KMT2C: variants seen among roughly 807,000 people sequenced by gnomAD.
KMT2C encodes histone-lysine N-methyltransferase 2C.
KMT2C carries 88 observed loss-of-function variants against 507.9 expected under a neutral mutation model. The observed-to-expected ratio is 0.17, with a 90% CI of 0.15 to 0.21. The LOEUF (loss-of-function observed/expected upper bound fraction) is 0.21. KMT2C is among the 10% of genes least tolerant of loss of function. The probability of loss-of-function intolerance (pLI) is 1.00; values close to 1 mark genes in which losing one functional copy is unlikely to be tolerated. For missense variants in KMT2C, 4,954 were observed against 5,957.8 expected (o/e 0.83, Z 5.55); for synonymous variants, 2,049 against 2,080.8 (o/e 0.98, Z 0.42).
At chr7:152,345,131 A>G (rs1362811311) in intron 2 of KMT2C, among the ~76,000 whole-genome samples, 1 of 151,936 alleles carries the variant, frequency 6.6e-6, no homozygotes, top group African/African-American at 2.4e-5. Flanking sequence ...ATCAACAATC[A>G]CTCTAAAGCT....
intron 1 of KMT2C, among the ~76,000 whole-genome samples, chr7:152,359,430 C>T (rs968870087): frequency 2.0e-5 from 3 of 152,044 alleles, no homozygotes; most frequent in African/African-American, 7.2e-5. Context: ...AAGCAGTACT[C>T]AGATAATGTC....
chr7:152,307,932 G>T (rs2096635583), intron 6 of KMT2C, among the ~76,000 whole-genome samples: 1 of 152,074 alleles, frequency 6.6e-6, no homozygotes, highest in South Asian at 2.1e-4. Context: ...TACCTTCCCT[G>T]TAATACTTTT....
chr7:152,181,867 G>A lies in KMT2C; in HGVS notation c.5993C>T (p.Pro1998Leu), dbSNP rs1279171195. ...PVVSEQTAKG[P>L]IAAGTSDHFT... ...GTGATCACTGGTTCCAGCTGCTATA[G>A]GGCCTTTTGCAGTTTGTTCTGAAAC... The change falls in exon 36 of 59, where the codon CCT becomes CTT. Residue 1998 changes from proline to leucine, a missense_variant. Pro to Leu is a moderately conservative substitution (Grantham distance 98). Transcript: ENST00000262189. The A allele has an allele frequency of 1.2e-6, 2 of 1,614,190 alleles. No homozygotes were observed. Among genetic ancestry groups the A allele is most frequent in the African/African-American group, 1.3e-5 (1 of 75,050 alleles).
Position 152,163,528 on chromosome 7 carries a change from C to T in KMT2C, c.10049G>A (p.Arg3350Lys), listed in dbSNP as rs200124578. 247 of 1,612,232 alleles carry T rather than the reference C, an allele frequency of 1.5e-4. No individual in the cohort carries two copies. The highest frequency in any genetic ancestry group is 2.1e-4 in the Non-Finnish European group (242 of 1,178,826). ...TAACTGGGCAATTGGGGGCTGAATT[C>T]TAGGAGGATTGAGGGGCAGGTGGGC... ...APAHLPLNPP[R>K]IQPPIAQLPI... Residue 3350 changes from arginine to lysine, a missense_variant, in exon 43 of 59, where the codon AGA (arginine) becomes AAA (lysine). Physicochemically the swap from Arg to Lys is conservative, Grantham distance 26. Around this residue, in one of 29 missense-constraint regions of KMT2C, gnomAD observed 801 missense variants for 751.2 expected, o/e 1.07. Coordinates refer to ENST00000262189, the MANE Select transcript of KMT2C (RefSeq NM_170606.3).
chr7:152,233,382 G>A (rs540330982), intron 16 of KMT2C, among the ~76,000 whole-genome samples: 36 of 152,266 alleles, frequency 2.4e-4, no homozygotes, highest in Admixed American at 1.9e-3. Context: ...ACAGATATGA[G>A]CCAAGGAGAA....
chr7:152,364,152 C>T (rs184753920), intron 1 of KMT2C, among the ~76,000 whole-genome samples: 22 of 152,246 alleles, frequency 1.4e-4, no homozygotes, highest in African/African-American at 5.3e-4. Flanking sequence ...CTCAACTGAA[C>T]AATAATGATT....
chr7:152,326,088 T>C (rs1589207691), intron 3 of KMT2C, among the ~76,000 whole-genome samples: 1 of 152,316 alleles, frequency 6.6e-6, no homozygotes, highest in South Asian at 2.1e-4. Context: ...TCTGTGGTAA[T>C]ACAGCACTGA....
chr7:152,170,353 C>T (rs1462292038), intron 40 of KMT2C, among the ~76,000 whole-genome samples: 1 of 145,528 alleles, frequency 6.9e-6, no homozygotes, highest in African/African-American at 2.8e-5. Context: ...GTAGGTAGCT[C>T]CCTTTATAAA....
At chr7:152,254,465 C>G (rs1307368599) in intron 9 of KMT2C, among the ~76,000 whole-genome samples, 2 of 151,816 alleles carry the variant, frequency 1.3e-5, no homozygotes, top group Non-Finnish European at 2.9e-5. Flanking sequence ...ATTAAAAGGT[C>G]TGAGGAGAAA....
chr7:152,240,458 C>G (rs1439613500), intron 14 of KMT2C, among the ~76,000 whole-genome samples: 1 of 152,246 alleles, frequency 6.6e-6, no homozygotes, highest in African/African-American at 2.4e-5. Flanking sequence ...AGGGCTTGAG[C>G]CTAGATCCTA....
intron 42 of KMT2C, among the ~76,000 whole-genome samples, chr7:152,165,575 T>C (rs1477100101): frequency 2.6e-5 from 4 of 152,244 alleles, no homozygotes; most frequent in Non-Finnish European, 5.9e-5. Flanking sequence ...CACCTTATTG[T>C]TGGTACATTA....
At chr7:152,341,778 AG>A (rs1311056134) in intron 2 of KMT2C, among the ~76,000 whole-genome samples, 1 of 152,234 alleles carries the variant, frequency 6.6e-6, no homozygotes, top group Non-Finnish European at 1.5e-5. Flanking sequence ...GGACAGGTAA[AG>A]TTAAATTGTT....
intron 39 of KMT2C, among the ~76,000 whole-genome samples, chr7:152,172,800 A>C (rs940124226): frequency 1.3e-5 from 2 of 152,236 alleles, no homozygotes; most frequent in African/African-American, 2.4e-5. Context: ...CACCAATAGA[A>C]GACAGATTAT....
intron 14 of KMT2C, 162 bp from the exon 15 acceptor site, chr7:152,238,988 G>C (rs2095334381): frequency 1.7e-6 from 1 of 571,696 alleles, no homozygotes; most frequent in African/African-American, 2.0e-5. Context: ...CACTAACAGT[G>C]ATTTAAACAT....
rs1031860805 is a variant in KMT2C at position 152,291,955 on chromosome 7, AACTT to A, written c.849+18007_849+18010del. The stretch of plus-strand genomic sequence containing the variant: ...TTGGCTAACAAATAAGCCATTGAAA[AACTT>A]ACTTTAATTATAGCCTAATTTCCAT... On this transcript the variant is annotated intron_variant, in intron 6 of 58. Transcript: ENST00000262189. Among the ~76,000 whole-genome samples the A allele has an allele frequency of 3.2e-3, 481 of 152,272 alleles. 3 individuals are homozygous for A. Among genetic ancestry groups the A allele is most frequent in the African/African-American group, 0.011 (455 of 41,550 alleles).
chr7:152,150,344 C>T (rs548197547), intron 51 of KMT2C, among the ~76,000 whole-genome samples: 8 of 152,100 alleles, frequency 5.3e-5, no homozygotes, highest in South Asian at 2.1e-4. Context: ...TACGGCCGGG[C>T]GCAGTGGCTC....
chr7:152,409,798 C>G (rs1442760545), intron 1 of KMT2C, among the ~76,000 whole-genome samples: 1 of 152,232 alleles, frequency 6.6e-6, no homozygotes, highest in East Asian at 1.9e-4. Flanking sequence ...GGTTTTATTT[C>G]TTGGGTTTTT....
intron 1 of KMT2C, among the ~76,000 whole-genome samples, chr7:152,409,025 T>C (rs2097653139): frequency 6.6e-6 from 1 of 151,880 alleles, no homozygotes; most frequent in Admixed American, 6.6e-5. Flanking sequence ...TTTCCCTCTG[T>C]TACCCAGGCT....
chr7:152,279,712 G>A (rs1362495924), intron 6 of KMT2C, among the ~76,000 whole-genome samples: 2 of 151,950 alleles, frequency 1.3e-5, no homozygotes, highest in Non-Finnish European at 2.9e-5. Flanking sequence ...AACATCAAAC[G>A]ACATTACAAA....
Sources: allele counts gnomAD v4.1 joint callset (sites outside exome capture counted in the v4.1 genomes callset), GRCh38; gene constraint gnomAD v4.1.1; regional missense constraint gnomAD v4.1.1; transcripts MANE v1.5; gene names NCBI Gene and HGNC (gene_info 2026-07-23, HGNC 2026-07-21).